SGIP1: variants seen among roughly 807,000 people sequenced by gnomAD.
SGIP1 encodes SH3-containing GRB2-like protein 3-interacting protein 1.
Under a neutral mutation model 107.5 loss-of-function variants are expected in SGIP1, and 38 were observed. The observed-to-expected ratio is 0.35, with a 90% CI of 0.27 to 0.46. The LOEUF is 0.46. Among genes scored for constraint, SGIP1 ranks in the 20% least tolerant of loss-of-function variants. SGIP1 has a pLI of 1.00. For missense variants in SGIP1, 929 were observed against 1,019.5 expected (o/e 0.91, Z 1.21); for synonymous variants, 365 against 366.1 (o/e 1.00, Z 0.03).
chr1:66,593,401 G>T (rs753514065), intron 1 of SGIP1, among the ~76,000 whole-genome samples: 1 of 152,088 alleles, frequency 6.6e-6, no homozygotes, highest in Non-Finnish European at 1.5e-5. Flanking sequence ...ACCACTTTGC[G>T]TTTCTACTAG....
At chr1:66,546,292 T>C (rs1557839630) in intron 1 of SGIP1, among the ~76,000 whole-genome samples, 1 of 152,194 alleles carries the variant, frequency 6.6e-6, no homozygotes, top group Non-Finnish European at 1.5e-5. Flanking sequence ...GCAGTTAATA[T>C]AGTATCTCAC....
At chr1:66,630,883 GAAAGAAAGAAAGAAA>G (rs1558134048) in intron 2 of SGIP1, among the ~76,000 whole-genome samples, 6 of 48,362 alleles carry the variant, frequency 1.2e-4, no homozygotes, top group African/African-American at 2.1e-4. Flanking sequence ...AAGAAAGAAA[GAAAGAAAGAAAGAAA>G]GAAAGAAGGG....
rs748316830 is a variant in SGIP1 at position 66,606,859 on chromosome 1, C to T, written c.11-18988C>T. 4.7e-4 allele frequency among the ~76,000 whole-genome samples: 71 copies of T among 152,134 alleles called. 2 individuals are homozygous for T. Among genetic ancestry groups the T allele is most frequent in the Admixed American group, 3.3e-4 (5 of 15,274 alleles). ...TGTAAACTCCCAGGAATGTTATACA[C>T]GGATTAGTAGATATGTTCTTGCCTG... On this transcript the variant is annotated intron_variant, in intron 1 of 24. Coordinates refer to ENST00000371037, the MANE Select transcript of SGIP1 (RefSeq NM_032291.4).
At chr1:66,732,530 G>A (rs1020662939) in intron 20 of SGIP1, among the ~76,000 whole-genome samples, 1 of 151,936 alleles carries the variant, frequency 6.6e-6, no homozygotes, top group African/African-American at 2.4e-5. Flanking sequence ...TTTATATCCA[G>A]GGACAGCAAA....
intron 1 of SGIP1, among the ~76,000 whole-genome samples, chr1:66,623,969 A>G (rs2071932571): frequency 6.6e-6 from 1 of 152,184 alleles, no homozygotes; most frequent in Admixed American, 6.5e-5. Flanking sequence ...GTCTGTGGAA[A>G]ACTACTATTT....
chr1:66,555,710 A>T (rs2058079763), intron 1 of SGIP1, among the ~76,000 whole-genome samples: 1 of 152,164 alleles, frequency 6.6e-6, no homozygotes, highest in Admixed American at 6.5e-5. Flanking sequence ...AAAATCAATG[A>T]AACTATAAGA....
chr1:66,680,002 AT>A (rs1295684668), intron 14 of SGIP1, among the ~76,000 whole-genome samples: 3 of 152,252 alleles, frequency 2.0e-5, no homozygotes, highest in African/African-American at 7.2e-5. Flanking sequence ...AATGAGGGAC[AT>A]TTTGTAACAC....
intron 1 of SGIP1, among the ~76,000 whole-genome samples, chr1:66,559,524 A>G (rs538127239): frequency 6.6e-6 from 1 of 152,212 alleles, no homozygotes; most frequent in African/African-American, 2.4e-5. Context: ...TATTTTATAC[A>G]ACAGAAAGAG....
At chr1:66,660,186 A>AGG (rs2081093209) in intron 7 of SGIP1, 1 of 191,628 alleles carries the variant, frequency 5.2e-6, no homozygotes, top group African/African-American at 3.9e-5. Flanking sequence ...AAAGAAAGAA[A>AGG]GAAAGAAAGA....
intron 1 of SGIP1, among the ~76,000 whole-genome samples, chr1:66,566,240 T>A (rs561819883): frequency 1.3e-5 from 2 of 152,090 alleles, no homozygotes; most frequent in South Asian, 4.1e-4. Flanking sequence ...CTATTTGCAT[T>A]ATAAGATCTT....
chr1:66,694,611 T>C, intron 17 of SGIP1: 1 of 808,432 alleles, frequency 1.2e-6, no homozygotes, highest in Non-Finnish European at 1.8e-6. Context: ...CTCATGAGTG[T>C]CCAGTGCCTC....
At chr1:66,561,058 T>C (rs2058864780) in intron 1 of SGIP1, among the ~76,000 whole-genome samples, 1 of 152,092 alleles carries the variant, frequency 6.6e-6, no homozygotes, top group African/African-American at 2.4e-5. Flanking sequence ...TTAGATAATA[T>C]TGCAGCTATT....
At chr1:66,670,258 A>G (rs140984534) in intron 9 of SGIP1, among the ~76,000 whole-genome samples, 17 of 152,330 alleles carry the variant, frequency 1.1e-4, no homozygotes, top group African/African-American at 2.2e-4. Context: ...TCCTTTTACT[A>G]TCTAAATAAG....
At chr1:66,675,099 C>T (rs986446749) in intron 12 of SGIP1, among the ~76,000 whole-genome samples, 1 of 152,168 alleles carries the variant, frequency 6.6e-6, no homozygotes, top group African/African-American at 2.4e-5. Flanking sequence ...AATGACATAT[C>T]GTATGGTGAC....
rs1224318583 is a variant in SGIP1, at chr1:66,739,475, G to A, written c.2172G>A (p.Gln724=). The change falls in exon 22 of 25, where the codon CAG becomes CAA. Residue 724 remains glutamine, a synonymous_variant. Coordinates refer to ENST00000371037, the MANE Select transcript of SGIP1 (RefSeq NM_032291.4). ...CTGCTGTGGCCCTCAACAATGTGCA[G>A]TTCCTGGTCCCCATCGACGGAGGAG... The part of the protein sequence containing the change: ...MTTAVALNNV[Q]FLVPIDGGVT... 1.2e-6 allele frequency: 2 copies of A among 1,614,058 alleles called. No individual in the cohort carries two copies. Among genetic ancestry groups the A allele is most frequent in the East Asian group, 4.5e-5 (2 of 44,878 alleles).
At position 66,671,987 on chromosome 1, in the gene SGIP1, A is replaced by G. The variant is rs201155178; in HGVS notation, c.552A>G (p.Glu184=). Residue 184 remains glutamate, a synonymous_variant, in exon 11 of 25, where the codon GAA becomes GAG. Transcript: ENST00000371037. Reference sequence around the variant, plus strand: ...CCAGGCGTTCCACACCAACTCCAGAACTTATAAGGTGAGTGTGAAAGACAT... The same window carrying G: ...CCAGGCGTTCCACACCAACTCCAGAGCTTATAAGGTGAGTGTGAAAGACAT... ...ARPRRSTPTP[E]LISKKPPDDT... is the part of the protein sequence containing the mutation. 5.2e-4 allele frequency: 832 copies of G among 1,613,856 alleles called. No individual in the cohort carries two copies. Among genetic ancestry groups the G allele is most frequent in the Middle Eastern group, 6.6e-4 (4 of 6,084 alleles).
At chr1:66,741,619 A>C (rs1572487551) in intron 24 of SGIP1, among the ~76,000 whole-genome samples, 183 bp downstream of exon 24, 2 of 152,344 alleles carry the variant, frequency 1.3e-5, no homozygotes, top group South Asian at 4.1e-4. Flanking sequence ...ACTAGAAATC[A>C]GAAGTCAGGA....
chr1:66,562,114 T>A (rs1420842375), intron 1 of SGIP1, among the ~76,000 whole-genome samples: 1 of 151,864 alleles, frequency 6.6e-6, no homozygotes, highest in Non-Finnish European at 1.5e-5. Flanking sequence ...AAAATCTGGC[T>A]TTCATTCACT....
At position 66,733,926 on chromosome 1, in the gene SGIP1, G is replaced by A. The variant is rs761879389; in HGVS notation, c.2031+46G>A. On this transcript the variant is annotated intron_variant, in intron 21 of 24. Transcript: ENST00000371037. ...GGTATCTCTTCCACATGACATATTT[G>A]TTTTCTAAAGTACCTACTATTGAAT... 12 of 1,569,870 alleles carry A rather than the reference G, an allele frequency of 7.6e-6. No homozygotes were observed. In the East Asian group the frequency reaches 2.5e-4, roughly 33 times the overall value.
Sources: allele counts gnomAD v4.1 joint callset (sites outside exome capture counted in the v4.1 genomes callset), GRCh38; gene constraint gnomAD v4.1.1; transcripts MANE v1.5; gene names NCBI Gene and HGNC (gene_info 2026-07-23, HGNC 2026-07-21).